The following SLC35F1 variants were observed in gnomAD, a reference collection of about 807,000 sequenced individuals.
SLC35F1 encodes solute carrier family 35 member F1, also known as chromosome 6 open reading frame 169.
SLC35F1 carries 14 observed loss-of-function variants against 48.7 expected under a neutral mutation model. That is an observed-to-expected ratio of 0.29 (90% confidence interval 0.19 to 0.45). The LOEUF (loss-of-function observed/expected upper bound fraction) is 0.45, where lower values mean the gene tolerates loss of function less well. Among genes scored for constraint, SLC35F1 ranks in the 20% least tolerant of loss-of-function variants. SLC35F1 has a pLI of 1.00. For synonymous variants in SLC35F1, 190 were observed against 202.2 expected (o/e 0.94, Z 0.51); for missense variants, 404 against 500.0 (o/e 0.81, Z 1.83).
chr6:118,113,621 C>A (rs1773439282), intron 1 of SLC35F1, among the ~76,000 whole-genome samples: 1 of 152,142 alleles, frequency 6.6e-6, no homozygotes, highest in South Asian at 2.1e-4. Flanking sequence ...CAAAAGAAAG[C>A]TGGATCAACT....
Position 118,272,748 on chromosome 6 carries a change from TAC to T in SLC35F1, c.638-2709_638-2708del, listed in dbSNP as rs1423821850. Among the ~76,000 whole-genome samples, 85 of 95,738 alleles carry T rather than the reference TAC, an allele frequency of 8.9e-4. 4 individuals carry two copies. Among genetic ancestry groups the T allele is most frequent in the African/African-American group, 3.3e-3 (74 of 22,320 alleles). The allele number at this position is 95,738 out of a possible 152,430, so 62.8% of individuals were successfully genotyped here. A position where few individuals can be genotyped will look rare whatever the true frequency, so the allele number is the denominator to read the frequency against. On this transcript the variant is annotated intron_variant, in intron 4 of 7. Coordinates refer to ENST00000360388, the MANE Select transcript of SLC35F1 (RefSeq NM_001029858.4). ...ATATATATGTGTGTGTATATATATATACATATATATATATATGTATATATATA... is the reference window on the plus strand; with the variant it reads ...ATATATATGTGTGTGTATATATATATATATATATATATATGTATATATATA...
chr6:117,999,323 A>T (rs1777050912), intron 1 of SLC35F1: 1 of 1,595,586 alleles, frequency 6.3e-7, no homozygotes, highest in Non-Finnish European at 8.5e-7. Context: ...CAAGGGGCTC[A>T]GGCTGTGCCG....
intron 3 of SLC35F1, among the ~76,000 whole-genome samples, chr6:118,251,509 G>C (rs1775575186): frequency 6.6e-6 from 1 of 152,102 alleles, no homozygotes; most frequent in African/African-American, 2.4e-5. Flanking sequence ...AGATGAAAAA[G>C]TACCTAATGA....
intron 1 of SLC35F1, among the ~76,000 whole-genome samples, chr6:117,926,406 GT>G (rs1414345517): frequency 6.6e-6 from 1 of 152,078 alleles, no homozygotes; most frequent in Non-Finnish European, 1.5e-5. Flanking sequence ...CCAGTCTTGA[GT>G]TTTTTTCGTA....
At chr6:118,124,322 C>T (rs1468136850) in intron 1 of SLC35F1, among the ~76,000 whole-genome samples, 2 of 152,044 alleles carry the variant, frequency 1.3e-5, no homozygotes, top group Non-Finnish European at 2.9e-5. Flanking sequence ...CTATAATTAC[C>T]CTTTAGGCTC....
intron 1 of SLC35F1, among the ~76,000 whole-genome samples, chr6:118,003,766 C>T (rs1316407959): frequency 6.6e-6 from 1 of 151,928 alleles, no homozygotes; most frequent in East Asian, 1.9e-4. Flanking sequence ...TAAAAGAGAG[C>T]ACTCAAAATT....
intron 1 of SLC35F1, among the ~76,000 whole-genome samples, chr6:118,093,674 AT>A (rs1418739450): frequency 2.0e-5 from 3 of 152,188 alleles, no homozygotes; most frequent in Non-Finnish European, 4.4e-5. Context: ...CTTTTTCTTT[AT>A]AAATTACCCA....
intron 2 of SLC35F1, among the ~76,000 whole-genome samples, chr6:118,157,492 C>T (rs1774163777): frequency 6.6e-6 from 1 of 152,130 alleles, no homozygotes; most frequent in Non-Finnish European, 1.5e-5. Flanking sequence ...TGAAGTCCCA[C>T]AATAGGCCGT....
intron 7 of SLC35F1, 125 bp downstream of exon 7, chr6:118,285,463 T>C: frequency 9.4e-7 from 1 of 1,067,530 alleles, no homozygotes; most frequent in Non-Finnish European, 1.4e-6. Context: ...CTGGGTGTGC[T>C]AACCTCCATG....
chr6:118,019,838 A>G (rs1451445426), intron 1 of SLC35F1, among the ~76,000 whole-genome samples: 1 of 152,206 alleles, frequency 6.6e-6, no homozygotes, highest in Non-Finnish European at 1.5e-5. Context: ...TAACCCTTAT[A>G]TATACCTTTC....
At chr6:117,936,870 A>G (rs571970200) in intron 1 of SLC35F1, among the ~76,000 whole-genome samples, 5 of 152,334 alleles carry the variant, frequency 3.3e-5, no homozygotes, top group Admixed American at 1.3e-4. Context: ...AAGAATAAAC[A>G]AGTAGTTCCA....
At chr6:118,159,574 C>T (rs1481476832) in intron 2 of SLC35F1, among the ~76,000 whole-genome samples, 1 of 152,138 alleles carries the variant, frequency 6.6e-6, no homozygotes, top group Non-Finnish European at 1.5e-5. Context: ...CTACTATCTT[C>T]TTAAAATTCC....
intron 3 of SLC35F1, among the ~76,000 whole-genome samples, chr6:118,264,633 G>C (rs1157989495): frequency 6.6e-6 from 1 of 152,184 alleles, no homozygotes; most frequent in Non-Finnish European, 1.5e-5. Context: ...GGCCTAGCTT[G>C]CCCTCAATAA....
At chr6:118,238,755 AG>A (rs1775399550) in intron 3 of SLC35F1, among the ~76,000 whole-genome samples, 1 of 152,326 alleles carries the variant, frequency 6.6e-6, no homozygotes, top group Admixed American at 6.5e-5. Context: ...TATTCTGATT[AG>A]GCCACACTAA....
At chr6:118,237,934 T>C (rs1002030267) in intron 3 of SLC35F1, among the ~76,000 whole-genome samples, 1 of 152,212 alleles carries the variant, frequency 6.6e-6, no homozygotes, top group Non-Finnish European at 1.5e-5. Flanking sequence ...ATAAAAATTA[T>C]TGGCAGTGTT....
At chr6:118,203,186 G>T (rs1386228384) in intron 2 of SLC35F1, among the ~76,000 whole-genome samples, 4 of 152,184 alleles carry the variant, frequency 2.6e-5, no homozygotes, top group Non-Finnish European at 5.9e-5. Flanking sequence ...ATGTCTCTGT[G>T]CACATTCCCA....
At chr6:118,147,672 T>C (rs1483748783) in intron 1 of SLC35F1, among the ~76,000 whole-genome samples, 1 of 152,158 alleles carries the variant, frequency 6.6e-6, no homozygotes, top group African/African-American at 2.4e-5. Context: ...GTTTTCTATG[T>C]TACTTCTGTA....
chr6:118,052,099 T>G (rs1772399804), intron 1 of SLC35F1, among the ~76,000 whole-genome samples: 1 of 152,006 alleles, frequency 6.6e-6, no homozygotes, highest in South Asian at 2.1e-4. Flanking sequence ...ATCTCACCCT[T>G]CTCCTTGGGC....
At chr6:118,203,184 G>C (rs1426894686) in intron 2 of SLC35F1, among the ~76,000 whole-genome samples, 1 of 152,178 alleles carries the variant, frequency 6.6e-6, no homozygotes, top group Admixed American at 6.5e-5. Flanking sequence ...CCATGTCTCT[G>C]TGCACATTCC....
Sources: gnomAD v4.1 joint callset for allele counts (sites outside exome capture counted in the v4.1 genomes callset) on GRCh38, gnomAD v4.1.1 for gene constraint, MANE v1.5 for transcripts, NCBI Gene and HGNC (gene_info 2026-07-23, HGNC 2026-07-21) for gene names.